WDR93: variants seen among roughly 807,000 people sequenced by gnomAD.
The protein encoded by WDR93 is WD repeat domain 93.
WDR93 carries 73 observed loss-of-function variants against 82.9 expected under a neutral mutation model. That is an observed-to-expected ratio of 0.88 (90% CI 0.73 to 1.07). The LOEUF (loss-of-function observed/expected upper bound fraction) is 1.07. Among genes scored for constraint, WDR93 ranks in the 50% least tolerant of loss-of-function variants. WDR93 has a pLI of 0.00. For missense variants in WDR93, 738 were observed against 826.0 expected, an observed-to-expected ratio of 0.89 and a Z score of 1.31; for synonymous variants, 283 against 300.1, an observed-to-expected ratio of 0.94 and a Z score of 0.59.
intron 12 of WDR93, among the ~76,000 whole-genome samples, chr15:89,732,713 G>A (rs187071598): frequency 4.6e-5 from 7 of 151,962 alleles, no homozygotes; most frequent in Admixed American, 3.9e-4. Context: ...CTGCGCCTCA[G>A]TCCCTGGCTG....
rs751931146 is a variant in WDR93 at position 89,702,941 on chromosome 15, T to C, written c.304-9T>C. ...AACTGAAAATAATATTTTTTCTTTG[T>C]TTTCCCAGCTCAACAAAATGCCAAA... On this transcript the variant is annotated splice_polypyrimidine_tract_variant and intron_variant, in intron 2 of 16. Coordinates refer to ENST00000268130, the MANE Select transcript of WDR93 (RefSeq NM_020212.2). The C allele has an allele frequency of 1.2e-6, 2 of 1,612,646 alleles. No homozygotes were observed. Among genetic ancestry groups the C allele is most frequent in the Non-Finnish European group, 1.7e-6 (2 of 1,179,642 alleles).
intron 16 of WDR93, among the ~76,000 whole-genome samples, chr15:89,742,773 T>G (rs1419244494): frequency 6.6e-6 from 1 of 152,198 alleles, no homozygotes; most frequent in Non-Finnish European, 1.5e-5. Flanking sequence ...CCTCAGGTGA[T>G]CCGCCTGCCT....
intron 4 of WDR93, among the ~76,000 whole-genome samples, chr15:89,706,007 C>A (rs1965709748): frequency 6.6e-6 from 1 of 152,156 alleles, no homozygotes; most frequent in Non-Finnish European, 1.5e-5. Context: ...GTCTCCCTAC[C>A]AAAATTTCCC....
chr15:89,717,045 C>CTTTTTTTTTTTTTTT (rs11457156), intron 7 of WDR93, 96 bp downstream of exon 7: 29 of 172,134 alleles, frequency 1.7e-4, no homozygotes, highest in East Asian at 5.4e-4. Flanking sequence ...CTTTTTCTTT[C>CTTTTTTTTTTTTTTT]TTTTTTTTTT....
chr15:89,737,102 T>C (rs1215041084), intron 14 of WDR93, among the ~76,000 whole-genome samples: 1 of 152,122 alleles, frequency 6.6e-6, no homozygotes, highest in Non-Finnish European at 1.5e-5. Flanking sequence ...AAGGGGACTT[T>C]CTAAGGATGG....
intron 14 of WDR93, among the ~76,000 whole-genome samples, chr15:89,736,603 G>C (rs959956174): frequency 6.6e-6 from 1 of 152,102 alleles, no homozygotes; most frequent in Admixed American, 6.6e-5. Context: ...TGCAAGCAGA[G>C]AGGAGAGTCT....
At chr15:89,715,132 C>T (rs745853945) in intron 6 of WDR93, 37 bp downstream of exon 6, 109 of 1,581,462 alleles carry the variant, frequency 6.9e-5, no homozygotes, top group Non-Finnish European at 8.7e-5. Context: ...ATATGTTTCT[C>T]CCTACCCCTG....
At chr15:89,717,931 G>A (rs1191762724) in intron 7 of WDR93, among the ~76,000 whole-genome samples, 1 of 152,172 alleles carries the variant, frequency 6.6e-6, no homozygotes, top group Non-Finnish European at 1.5e-5. Flanking sequence ...CTGAGACCAG[G>A]AACATACCAT....
At chr15:89,698,376 A>G (rs985490257) in intron 1 of WDR93, among the ~76,000 whole-genome samples, 2 of 152,128 alleles carry the variant, frequency 1.3e-5, no homozygotes, top group Non-Finnish European at 2.9e-5. Flanking sequence ...TGCACAGCAT[A>G]TATTGAGTCT....
At chr15:89,711,414 A>C (rs1965969033) in intron 4 of WDR93, among the ~76,000 whole-genome samples, 1 of 151,840 alleles carries the variant, frequency 6.6e-6, no homozygotes, top group South Asian at 2.1e-4. Flanking sequence ...TAATCCTAGC[A>C]CTTTGAGAGG....
intron 13 of WDR93, 30 bp from the exon 14 acceptor site, chr15:89,735,460 G>A: frequency 6.2e-7 from 1 of 1,610,172 alleles, no homozygotes; most frequent in East Asian, 2.2e-5. Context: ...CTTAAAGTAG[G>A]AGAATGTCTG....
intron 12 of WDR93, among the ~76,000 whole-genome samples, chr15:89,732,059 T>C (rs557785210): frequency 2.6e-5 from 4 of 152,194 alleles, no homozygotes; most frequent in Non-Finnish European, 5.9e-5. Flanking sequence ...GGCACTGTGG[T>C]TGAGTTCTAG....
chr15:89,719,832 G>C (rs1333720498), intron 7 of WDR93, among the ~76,000 whole-genome samples: 1 of 147,328 alleles, frequency 6.8e-6, no homozygotes, highest in African/African-American at 2.5e-5. Flanking sequence ...ATGGAATCTC[G>C]CTCTGTCACC....
chr15:89,737,877 C>A, intron 15 of WDR93, 148 bp downstream of exon 15: 1 of 1,351,592 alleles, frequency 7.4e-7, no homozygotes, highest in Non-Finnish European at 1.0e-6. Context: ...CCTCACAGGG[C>A]ACTTAGATAA....
intron 8 of WDR93, among the ~76,000 whole-genome samples, chr15:89,725,308 ATT>A (rs1204537970): frequency 1.3e-5 from 2 of 152,220 alleles, no homozygotes; most frequent in Non-Finnish European, 2.9e-5. Context: ...CATGAACAAT[ATT>A]GAGCAAAAGA....
At position 89,729,708 on chromosome 15, in the gene WDR93, C is replaced by T. The variant is rs769837652; in HGVS notation, c.1149C>T (p.His383=). 16 of 1,613,128 alleles carry T rather than the reference C, an allele frequency of 9.9e-6. No homozygotes were observed. In the Admixed American group the frequency reaches 2.5e-4, roughly 25 times the overall value. Residue 383 remains histidine (H), a synonymous_variant, in exon 11 of 17, where the codon CAC becomes CAT. Coordinates refer to ENST00000268130, the MANE Select transcript of WDR93 (RefSeq NM_020212.2). ...PSGMACVLGI[H]WTRSHNFFLY... ...GAATGGCCTGTGTCCTTGGTATACA[C>T]TGGACCAGAAGTCACAATTTCTTCC...
Position 89,716,961 on chromosome 15 carries a change from T to C in WDR93, c.795+12T>C. On this transcript the variant is annotated intron_variant, in intron 7 of 16. Transcript: ENST00000268130. The stretch of plus-strand genomic sequence containing the variant: ...ATCCTTTAGAAATGGTAAGAAACTT[T>C]AAAGAAAATCTCCAGAGAGACTTAA... 6.6e-7 allele frequency: 1 copy of C among 1,511,490 alleles called. No homozygotes were observed. The highest frequency in any genetic ancestry group is 8.9e-7 in the Non-Finnish European group (1 of 1,122,712). The allele number at this position is 1,511,490 out of a possible 1,614,324, so 93.6% of individuals were successfully genotyped here.
chr15:89,693,254 A>G (rs2141569799), intron 1 of WDR93, among the ~76,000 whole-genome samples: 1 of 152,358 alleles, frequency 6.6e-6, no homozygotes, highest in African/African-American at 2.4e-5. Flanking sequence ...AACATATGGT[A>G]TGTTTAACTT....
At position 89,696,979 on chromosome 15, in the gene WDR93, G is replaced by GT. The variant is rs1965209454; in HGVS notation, c.-40-4722dup. Reference sequence around the variant, plus strand: ...TGTCAGTTTGTTTGTTTGTTTGTTTGTTTTTTAGAGACAAAGTCTCACTCT... The same window carrying GT: ...TGTCAGTTTGTTTGTTTGTTTGTTTGTTTTTTTAGAGACAAAGTCTCACTCT... On this transcript the variant is annotated intron_variant, in intron 1 of 16. Coordinates refer to ENST00000268130, the MANE Select transcript of WDR93 (RefSeq NM_020212.2). 3.9e-5 allele frequency among the ~76,000 whole-genome samples: 6 copies of GT among 151,996 alleles called. No homozygotes were observed. The South Asian group carries it at 1.2e-3, about 32-fold the overall frequency.
Sources: allele counts gnomAD v4.1 joint callset (sites outside exome capture counted in the v4.1 genomes callset), GRCh38; gene constraint gnomAD v4.1.1; transcripts MANE v1.5; gene names NCBI Gene and HGNC (gene_info 2026-07-23, HGNC 2026-07-21).